DAB2IP: variants seen among roughly 807,000 people sequenced by gnomAD.
DAB2IP encodes the protein disabled homolog 2-interacting protein.
A neutral mutation model predicts 107.2 loss-of-function variants in DAB2IP; 28 were observed. That is an observed-to-expected ratio of 0.26 (90% CI 0.19 to 0.36). DAB2IP has a LOEUF of 0.36. Among genes scored for constraint, DAB2IP ranks in the 10% least tolerant of loss-of-function variants. The pLI is 1.00. For synonymous variants in DAB2IP, 755 were observed against 706.4 expected (o/e 1.07, Z -1.09); for missense variants, 1,400 against 1,644.7 (o/e 0.85, Z 2.57).
Position 121,701,189 on chromosome 9 carries a change from T to C in DAB2IP, c.362+1731T>C, listed in dbSNP as rs568124492. ...GACAACAGGCAGTCCGGCTTCTGAG[T>C]GTGTCTGCTCTCCCGGGAGCAGGCG... On this transcript the variant is annotated intron_variant, in intron 3 of 15. Coordinates refer to ENST00000408936, the Ensembl canonical transcript of DAB2IP. The surrounding 1 kb of genome is among the most constrained non-coding windows in gnomAD (Gnocchi z 4.7). Among the ~76,000 whole-genome samples, 33 of 152,144 alleles carry C rather than the reference T, an allele frequency of 2.2e-4. No individual in the cohort carries two copies. The highest frequency in any genetic ancestry group is 4.4e-4 in the Non-Finnish European group (30 of 68,024).
Position 121,753,467 on chromosome 9 carries a change from A to T in DAB2IP, c.363-3546A>T, listed in dbSNP as rs573492940. Among the ~76,000 whole-genome samples the T allele has an allele frequency of 2.8e-3, 432 of 152,240 alleles. 2 individuals carry two copies. Among genetic ancestry groups the T allele is most frequent in the Non-Finnish European group, 2.5e-3 (170 of 68,004 alleles). On this transcript the variant is annotated intron_variant, in intron 3 of 15. Transcript: ENST00000408936. ...GCCTTGGGCAGCAGAGAGGGACTTG[A>T]CCCAGGGCTGGGGGACGGCAGAAGC...
At chr9:121,616,722 G>C in intron 1 of DAB2IP, among the ~76,000 whole-genome samples, 1 of 152,238 alleles carries the variant, frequency 6.6e-6, no homozygotes, top group South Asian at 2.1e-4. Flanking sequence ...GCCACAGGCA[G>C]GTCAGTCCTG....
chr9:121,758,826 G>A (rs1833672084), intron 4 of DAB2IP, 72 bp from the exon 5 acceptor site: 1 of 1,404,668 alleles, frequency 7.1e-7, no homozygotes, highest in South Asian at 1.2e-5. Context: ...AGCCTCCAAG[G>A]TCTTCTTCCA....
rs573266442 is a variant in DAB2IP, at chr9:121,781,183, C to T, written c.3315-281C>T. On this transcript the variant is annotated intron_variant, in intron 14 of 15. Coordinates refer to ENST00000408936, the Ensembl canonical transcript of DAB2IP. Reference sequence around the variant, plus strand: ...ATGCCCATTTCCACCCATCTTGGCTCCTGGAAGAACATCGGGAAAGGGGCA... The same window carrying T: ...ATGCCCATTTCCACCCATCTTGGCTTCTGGAAGAACATCGGGAAAGGGGCA... Among the ~76,000 whole-genome samples the T allele has an allele frequency of 1.1e-4, 17 of 152,294 alleles. No individual in the cohort carries two copies. In the South Asian group the frequency reaches 3.5e-3, roughly 32 times the overall value.
intron 3 of DAB2IP, among the ~76,000 whole-genome samples, chr9:121,745,124 G>A (rs903348603): frequency 2.0e-5 from 3 of 152,216 alleles, no homozygotes; most frequent in African/African-American, 7.2e-5. Flanking sequence ...GGTGAAGTCT[G>A]ACACACTGGC....
chr9:121,708,899 T>G (rs1589556878), intron 3 of DAB2IP, among the ~76,000 whole-genome samples: 1 of 152,054 alleles, frequency 6.6e-6, no homozygotes, highest in African/African-American at 2.4e-5. Flanking sequence ...CTAGGCCAGG[T>G]GGGGTGGGCT....
In DAB2IP at chr9:121,760,828, C is replaced by T. The variant is rs1458357549; in HGVS notation, c.1170+389C>T. Among the ~76,000 whole-genome samples the T allele has an allele frequency of 6.6e-6, 1 of 152,214 alleles. No individual in the cohort carries two copies. Among genetic ancestry groups the T allele is most frequent in the Non-Finnish European group, 1.5e-5 (1 of 68,040 alleles). On this transcript the variant is annotated intron_variant, in intron 6 of 15. Transcript: ENST00000408936. This position sits in a 1 kb window ranked among gnomAD's most constrained non-coding sequence, Gnocchi z 5.9. ...GCCGCAGTGAGCCAAACACACGTCC[C>T]CTGTGGGGTATGGAGTTCGGCAGAC...
At chr9:121,737,688 C>T in intron 3 of DAB2IP, 1 of 985,460 alleles carries the variant, frequency 1.0e-6, no homozygotes, top group Non-Finnish European at 1.2e-6. Context: ...ACCAGGTCAG[C>T]AGAGAGGCCT....
chr9:121,782,596 G>T lies in DAB2IP; in HGVS notation c.*98G>T. 1 of 1,540,742 alleles carries T rather than the reference G, an allele frequency of 6.5e-7. No homozygotes were observed. Among genetic ancestry groups the T allele is most frequent in the Non-Finnish European group, 8.8e-7 (1 of 1,141,572 alleles). On this transcript the variant is annotated 3_prime_UTR_variant, in exon 16 of 16. Transcript: ENST00000408936. The surrounding 1 kb of genome is among the most constrained non-coding windows in gnomAD (Gnocchi z 6.1). ...GGAGGCACCCACGGTTGCAGCCCCA[G>T]CGCGGGTGTCAGGAGGCCGAGCCTC... is the stretch of plus-strand genomic sequence containing the variant.
At chr9:121,720,922 T>C (rs554353780) in intron 3 of DAB2IP, among the ~76,000 whole-genome samples, 41 of 152,234 alleles carry the variant, frequency 2.7e-4, no homozygotes, top group Admixed American at 5.9e-4. Context: ...GAAAACCCTG[T>C]GGGGTTTCAT....
At chr9:121,584,778 G>A (rs1346557576) in intron 1 of DAB2IP, among the ~76,000 whole-genome samples, 2 of 152,178 alleles carry the variant, frequency 1.3e-5, no homozygotes, top group Non-Finnish European at 2.9e-5. Flanking sequence ...ATTTGTGGGA[G>A]GACAATCACC....
chr9:121,729,689 G>A (rs1831416643), intron 3 of DAB2IP, among the ~76,000 whole-genome samples: 1 of 152,230 alleles, frequency 6.6e-6, no homozygotes, highest in South Asian at 2.1e-4. Context: ...TGGATGGCTG[G>A]TGGCCAGATG....
At chr9:121,577,814 C>T (rs1015955974) in intron 1 of DAB2IP, among the ~76,000 whole-genome samples, 1 of 152,192 alleles carries the variant, frequency 6.6e-6, no homozygotes, top group African/African-American at 2.4e-5. Context: ...CCGAGGCAGC[C>T]AGATGGCAAC....
At chr9:121,646,789 T>G (rs964147484), upstream of DAB2IP, among the ~76,000 whole-genome samples, 9 of 152,076 alleles carry the variant, frequency 5.9e-5, no homozygotes, top group African/African-American at 1.7e-4. Context: ...CTAGACTGTT[T>G]CCACTCCCCC....
intron 1 of DAB2IP, among the ~76,000 whole-genome samples, chr9:121,674,306 TG>T (rs1833799994): frequency 6.6e-6 from 1 of 152,146 alleles, no homozygotes. Context: ...GCCAGTGCCC[TG>T]GAGCAGAAGG....
chr9:121,773,862 C>T (rs1487964820), intron 12 of DAB2IP, among the ~76,000 whole-genome samples: 1 of 152,240 alleles, frequency 6.6e-6, no homozygotes, highest in Non-Finnish European at 1.5e-5. Flanking sequence ...GACAGGCCTT[C>T]AGGCACAACC....
At chr9:121,783,369 T>C in exon 16 of DAB2IP, 4 of 1,511,284 alleles carry the variant, frequency 2.6e-6, no homozygotes, top group Non-Finnish European at 3.5e-6. Context: ...ATCTGCCTTC[T>C]CCTGGGGCCC....
At position 121,641,990 on chromosome 9, in the gene DAB2IP, TTCCTTTCTCTCTCTCTCTCTCTCTCTC is replaced by T. The variant is rs1564128548; in HGVS notation, c.41-36685_41-36659del. On this transcript the variant is annotated intron_variant, in intron 1 of 16. Coordinates refer to the DAB2IP transcript ENST00000259371. ...TCTCTCTCTTTCTTTCTTTCTTTCT[TTCCTTTCTCTCTCTCTCTCTCTCTCTC>T]TCTCTCTCTCTCTCTTTCTTTCTTT... 4.5e-4 allele frequency among the ~76,000 whole-genome samples: 51 copies of T among 114,358 alleles called. 1 individual carries two copies. The highest frequency in any genetic ancestry group is 1.7e-3 in the African/African-American group (46 of 26,368). The allele number at this position is 114,358 out of a possible 152,430, so 75.0% of individuals were successfully genotyped here.
chr9:121,647,450 C>T (rs1463275446), upstream of DAB2IP, among the ~76,000 whole-genome samples: 1 of 152,226 alleles, frequency 6.6e-6, no homozygotes, highest in Non-Finnish European at 1.5e-5. Context: ...GCTAGCCTCC[C>T]TCCCCTGCAT....
Sources: allele counts gnomAD v4.1 joint callset (sites outside exome capture counted in the v4.1 genomes callset), GRCh38; gene constraint gnomAD v4.1.1; non-coding constraint Gnocchi (gnomAD v3.1); transcripts MANE v1.5; gene names NCBI Gene and HGNC (gene_info 2026-07-23, HGNC 2026-07-21).